Variants in HDAC2 observed in about 807,000 individuals in gnomAD.
HDAC2 encodes the protein histone deacetylase 2, also known as YY1-associated factor 1.
HDAC2 carries 5 observed loss-of-function variants against 68.5 expected under a neutral mutation model. The ratio of observed to expected loss-of-function variants is 0.07; its 90% CI spans 0.04 to 0.15. HDAC2 has a LOEUF of 0.15. Ranked by LOEUF, HDAC2 falls within the 10% of genes least tolerant of loss-of-function variation. HDAC2 has a pLI of 1.00. For synonymous variants in HDAC2, 182 were observed against 191.3 expected, an observed-to-expected ratio of 0.95 and a Z score of 0.40; for missense variants, 291 against 600.8, an observed-to-expected ratio of 0.48 and a Z score of 5.39.
rs957898651 is a variant in HDAC2, at chr6:113,944,257, G to A, written c.1222+23C>T. ...TTTCAATTATCATTTTGACAAATTG[G>A]AAAAATAAAGGCATTATCTTACTAG... On this transcript the variant is annotated intron_variant, in intron 11 of 13. Coordinates refer to ENST00000519065, the MANE Select transcript of HDAC2 (RefSeq NM_001527.4). 6 of 1,596,208 alleles carry A rather than the reference G, an allele frequency of 3.8e-6. No individual in the cohort carries two copies. The African/African-American group carries it at 8.1e-5, about 21-fold the overall frequency.
In HDAC2 at chr6:113,970,951, G is replaced by A. The variant is rs1438754042; in HGVS notation, c.-43C>T. On this transcript the variant is annotated 5_prime_UTR_variant, in exon 1 of 14. Transcript: ENST00000519065. ...CCGCCACCGGGCTCCTCCTCCTGCTGCTGCTGCTGCTGCTGCTGCCGCCGC... is the reference window on the plus strand; with the variant it reads ...CCGCCACCGGGCTCCTCCTCCTGCTACTGCTGCTGCTGCTGCTGCCGCCGC... The A allele has an allele frequency of 1.3e-6, 2 of 1,532,604 alleles. No individual in the cohort carries two copies. The highest frequency in any genetic ancestry group is 8.9e-7 in the Non-Finnish European group (1 of 1,128,320). 94.9% of individuals were successfully genotyped at this position (1,532,604 alleles called of 1,614,324 possible).
At chr6:113,953,719 A>G (rs971892316) in intron 5 of HDAC2, among the ~76,000 whole-genome samples, 2 of 152,264 alleles carry the variant, frequency 1.3e-5, no homozygotes, top group South Asian at 4.1e-4. Flanking sequence ...AGATTATACC[A>G]TACTCAAGAT....
intron 2 of HDAC2, 42 bp from the exon 3 acceptor site, chr6:113,958,808 G>T: frequency 1.8e-6 from 2 of 1,089,928 alleles, no homozygotes; most frequent in South Asian, 2.6e-5. Flanking sequence ...AATTACAACC[G>T]GTTATATCAG....
rs557077914 is a variant in HDAC2 at position 113,939,735 on chromosome 6, T to C, written c.*1323A>G. ...AAAGTACACAAAGAGAGCTTCAATTTCGGTGTATTTTAAGAAAAAAACACC... is the reference window on the plus strand; with the variant it reads ...AAAGTACACAAAGAGAGCTTCAATTCCGGTGTATTTTAAGAAAAAAACACC... On this transcript the variant is annotated 3_prime_UTR_variant, in exon 14 of 14. Transcript: ENST00000519065. The C allele has an allele frequency of 5.3e-5, 8 of 152,140 alleles. No individual in the cohort carries two copies. The highest frequency in any genetic ancestry group is 1.2e-4 in the Non-Finnish European group (8 of 68,006). 9.4% of individuals were successfully genotyped at this position (152,140 alleles called of 1,614,324 possible).
chr6:113,948,077 C>T (rs1776305100), intron 8 of HDAC2: 1 of 152,232 alleles, frequency 6.6e-6, no homozygotes, highest in African/African-American at 2.4e-5. Context: ...TATTCTTACA[C>T]CCTAGAAGTT....
chr6:113,933,153 T>C lies in HDAC2; in HGVS notation c.*7905A>G, dbSNP rs1298124398. 6.6e-6 allele frequency: 1 copy of C among 152,256 alleles called. No individual in the cohort carries two copies. The highest frequency in any genetic ancestry group is 1.5e-5 in the Non-Finnish European group (1 of 68,038). The allele number at this position is 152,256 out of a possible 1,614,324, so 9.4% of individuals were successfully genotyped here. ...TTGACATCAAAACTTTGCAGTTTGC[T>C]TTCAAAATGATGCTCATGTTCTCAT... On this transcript the variant is annotated 3_prime_UTR_variant, in exon 14 of 14. Transcript: ENST00000519065.
rs1447476176 is a variant in HDAC2 at position 113,935,359 on chromosome 6, T to C, written c.*5699A>G. ...TGTTAAGTACAGCCAGTTTTGATAA[T>C]GTGCTCTCTTTTACTTTAGGAATTG... On this transcript the variant is annotated 3_prime_UTR_variant, in exon 14 of 14. Transcript: ENST00000519065. 6.6e-6 allele frequency: 1 copy of C among 152,248 alleles called. No individual in the cohort carries two copies. The highest frequency in any genetic ancestry group is 2.4e-5 in the African/African-American group (1 of 41,462). The allele number at this position is 152,248 out of a possible 1,614,324, so 9.4% of individuals were successfully genotyped here.
intron 12 of HDAC2, among the ~76,000 whole-genome samples, chr6:113,942,509 A>C (rs186239059): frequency 6.6e-6 from 1 of 151,900 alleles, no homozygotes; most frequent in Admixed American, 6.6e-5. Flanking sequence ...CATTATCTCT[A>C]AATCAGTTTT....
rs539367701 is a variant in HDAC2, at chr6:113,938,997, T to C, written c.*2061A>G. The stretch of plus-strand genomic sequence containing the variant: ...TTCAGTATGTTCACACAATGGAACA[T>C]AATACATAGCAGTCAAAATGAACTA... On this transcript the variant is annotated 3_prime_UTR_variant, in exon 14 of 14. Coordinates refer to ENST00000519065, the MANE Select transcript of HDAC2 (RefSeq NM_001527.4). The C allele has an allele frequency of 6.6e-6, 1 of 152,298 alleles. No individual in the cohort carries two copies. The highest frequency in any genetic ancestry group is 2.4e-5 in the African/African-American group (1 of 41,550). The allele number at this position is 152,298 out of a possible 1,614,324, so 9.4% of individuals were successfully genotyped here. A position where few individuals can be genotyped will look rare whatever the true frequency, so the allele number is the denominator to read the frequency against.
At chr6:113,959,731 T>C (rs1243760331) in intron 2 of HDAC2, 175 bp downstream of exon 2, 1 of 489,788 alleles carries the variant, frequency 2.0e-6, no homozygotes, top group Non-Finnish European at 3.6e-6. Flanking sequence ...AAAAAGAGGG[T>C]ATAGCTCTCA....
At position 113,944,346 on chromosome 6, in the gene HDAC2, G is replaced by A; in HGVS notation, c.1156C>T (p.Pro386Ser). 6.2e-7 allele frequency: 1 copy of A among 1,612,748 alleles called. No individual in the cohort carries two copies. The highest frequency in any genetic ancestry group is 8.5e-7 in the Non-Finnish European group (1 of 1,178,834). Reference sequence around the variant, plus strand: ...CTGTCTTCATGAACAGCATCTTCTGGAATAGCTTGCATCTGGACACCAGGT... The same window carrying A: ...CTGTCTTCATGAACAGCATCTTCTGAAATAGCTTGCATCTGGACACCAGGT... ...HAPGVQMQAIPEDAVHEDSGD... is the reference protein window; with the variant it reads ...HAPGVQMQAISEDAVHEDSGD... Residue 386 changes from proline to serine, a missense_variant, in exon 11 of 14, where the codon CCA becomes TCA. This residue lies in a region of HDAC2 where 137 missense variants were observed against 128.7 expected (regional missense o/e 1.06). Transcript: ENST00000519065.
intron 4 of HDAC2, 74 bp from the exon 5 acceptor site, chr6:113,956,225 C>G: frequency 8.3e-7 from 1 of 1,203,932 alleles, no homozygotes; most frequent in Non-Finnish European, 1.2e-6. Flanking sequence ...AAAAACACTA[C>G]AAGTGTATGC....
intron 4 of HDAC2, 104 bp downstream of exon 4, chr6:113,956,515 T>A: frequency 1.3e-6 from 1 of 781,478 alleles, no homozygotes; most frequent in Non-Finnish European, 2.2e-6. Context: ...TTCCTTTTGT[T>A]ATCAAAATTC....
At chr6:113,960,070 A>G in intron 1 of HDAC2, 52 bp from the exon 2 acceptor site, 1 of 883,642 alleles carries the variant, frequency 1.1e-6, no homozygotes, top group African/African-American at 1.7e-5. Flanking sequence ...ACCCTCCATG[A>G]ACTATTTGAA....
At position 113,949,081 on chromosome 6, in the gene HDAC2, A is replaced by C; in HGVS notation, c.739T>G (p.Ser247Ala). 6.8e-6 allele frequency: 11 copies of C among 1,613,498 alleles called. No individual in the cohort carries two copies. Among genetic ancestry groups the C allele is most frequent in the Non-Finnish European group, 8.5e-6 (10 of 1,179,620 alleles). ...GGTTGATACATCTCCATCACCTTTG[A>C]GATAATCTACACACAAGATAACAAA... ...SYGQIFKPIISKVMEMYQPSA... is the reference protein window; with the variant it reads ...SYGQIFKPIIAKVMEMYQPSA... Residue 247 changes from serine (S) to alanine (A), a missense_variant, in exon 8 of 14, where the codon TCA becomes GCA. Physicochemically the swap from Ser to Ala is moderately conservative, Grantham distance 99. Coordinates refer to ENST00000519065, the MANE Select transcript of HDAC2 (RefSeq NM_001527.4).
chr6:113,944,468 T>C lies in HDAC2; in HGVS notation c.1092-58A>G, dbSNP rs1582477960. The C allele has an allele frequency of 2.1e-6, 3 of 1,458,414 alleles. No homozygotes were observed. In the East Asian group the frequency reaches 6.8e-5, roughly 33 times the overall value. The allele number at this position is 1,458,414 out of a possible 1,614,324, so 90.3% of individuals were successfully genotyped here. ...ATTAAATTTCTTTGCAGTTCTTACA[T>C]GCAAGAGAAAATATTTAGCAAAAAA... is the stretch of plus-strand genomic sequence containing the variant. On this transcript the variant is annotated intron_variant, in intron 10 of 13. Transcript: ENST00000519065.
intron 1 of HDAC2, 133 bp downstream of exon 1, chr6:113,970,724 C>T (rs1285631397): frequency 1.0e-5 from 14 of 1,396,472 alleles, no homozygotes; most frequent in Non-Finnish European, 1.1e-5. Flanking sequence ...GGGCCGGGAA[C>T]GGGTTAAGAT....
intron 6 of HDAC2, among the ~76,000 whole-genome samples, chr6:113,952,997 C>T (rs1232553701): frequency 6.6e-6 from 1 of 152,140 alleles, no homozygotes; most frequent in Admixed American, 6.5e-5. Flanking sequence ...AAGATTCAAA[C>T]TGAACATCAA....
At chr6:113,956,347 T>C (rs1345040536) in intron 4 of HDAC2, 196 bp from the exon 5 acceptor site, 1 of 569,966 alleles carries the variant, frequency 1.8e-6, no homozygotes, top group South Asian at 2.6e-5. Context: ...TGAGATTAAA[T>C]AATGGTTTAT....
Sources: gnomAD v4.1 joint callset for allele counts (sites outside exome capture counted in the v4.1 genomes callset) on GRCh38, gnomAD v4.1.1 for gene constraint, gnomAD v4.1.1 regional missense constraint, MANE v1.5 for transcripts, NCBI Gene and HGNC (gene_info 2026-07-23, HGNC 2026-07-21) for gene names.